Variants in ALOX5AP observed in about 807,000 individuals in gnomAD.
ALOX5AP encodes arachidonate 5-lipoxygenase-activating protein.
ALOX5AP carries 9 observed loss-of-function variants against 18.5 expected under a neutral mutation model. The observed-to-expected ratio is 0.49, with a 90% CI of 0.29 to 0.85. The LOEUF is 0.85. ALOX5AP is among the 40% of genes least tolerant of loss of function. The probability of loss-of-function intolerance (pLI) is 0.08; values close to 1 mark genes in which losing one functional copy is unlikely to be tolerated. For missense variants in ALOX5AP, 172 were observed against 202.5 expected, an observed-to-expected ratio of 0.85 and a Z score of 0.91; for synonymous variants, 81 against 78.6, an observed-to-expected ratio of 1.03 and a Z score of -0.16.
At chr13:30,724,564 G>C (rs1951622589) in intron 1 of ALOX5AP, among the ~76,000 whole-genome samples, 1 of 152,154 alleles carries the variant, frequency 6.6e-6, no homozygotes. Context: ...TGGAGCCTTT[G>C]GAGTGCCTTT....
At chr13:30,744,415 G>C (rs531357462) in intron 2 of ALOX5AP, 19 of 372,284 alleles carry the variant, frequency 5.1e-5, no homozygotes, top group African/African-American at 3.5e-4. Flanking sequence ...TGCAGCTTCA[G>C]AAAGATCTGA....
At chr13:30,741,103 CTTT>C (rs59980433) in intron 1 of ALOX5AP, among the ~76,000 whole-genome samples, 2 of 64,006 alleles carry the variant, frequency 3.1e-5, no homozygotes, top group African/African-American at 1.3e-4. Flanking sequence ...CCTCCATATC[CTTT>C]TTTTTTTTTT....
chr13:30,755,844 T>G, intron 3 of ALOX5AP, 100 bp from the exon 4 acceptor site: 1 of 1,158,892 alleles, frequency 8.6e-7, no homozygotes, highest in South Asian at 1.3e-5. Flanking sequence ...TGCGTGTGTC[T>G]TCTGCTAGAT....
intron 1 of ALOX5AP, among the ~76,000 whole-genome samples, chr13:30,725,909 G>A (rs895177132): frequency 5.3e-4 from 81 of 152,176 alleles, no homozygotes; most frequent in Admixed American, 2.6e-3. Flanking sequence ...CACCAGCTGG[G>A]TAGCAACACC....
intron 4 of ALOX5AP, 56 bp from the exon 5 acceptor site, chr13:30,763,888 G>A: frequency 1.3e-6 from 2 of 1,524,544 alleles, no homozygotes; most frequent in Non-Finnish European, 1.8e-6. Context: ...TTTTGTGTGT[G>A]TGAAATTGGT....
intron 3 of ALOX5AP, 70 bp from the exon 4 acceptor site, chr13:30,755,874 G>A (rs1951889356): frequency 6.9e-7 from 1 of 1,446,210 alleles, no homozygotes; most frequent in South Asian, 1.1e-5. Flanking sequence ...AATGTTGATT[G>A]CCTAATTGGG....
chr13:30,715,324 C>G (rs1255144865), intron 1 of ALOX5AP, among the ~76,000 whole-genome samples: 2 of 152,208 alleles, frequency 1.3e-5, no homozygotes, highest in Non-Finnish European at 2.9e-5. Context: ...CCGTGCCTGG[C>G]ACATTTACTG....
At chr13:30,738,933 AACAC>A (rs17238666) in intron 1 of ALOX5AP, among the ~76,000 whole-genome samples, 2 of 151,476 alleles carry the variant, frequency 1.3e-5, no homozygotes, top group Non-Finnish European at 2.9e-5. Context: ...GTTCCACCCC[AACAC>A]ACACACACAC....
intron 1 of ALOX5AP, among the ~76,000 whole-genome samples, chr13:30,721,546 G>A (rs1465830292): frequency 2.0e-5 from 3 of 151,764 alleles, no homozygotes; most frequent in Admixed American, 2.0e-4. Context: ...TCTGTCTAAG[G>A]CCATGGCCAC....
At position 30,735,612 on chromosome 13, in the gene ALOX5AP, C is replaced by A; in HGVS notation, c.7C>A (p.Gln3Lys). The change falls in exon 1 of 5, where the codon CAA (glutamine) becomes AAA (lysine). Residue 3 changes from glutamine (Q) to lysine (K), a missense_variant. Gln to Lys is a moderately conservative substitution (Grantham distance 53). Transcript: ENST00000380490. Reference sequence around the variant, plus strand: ...TGGGGAGCCTGAAGCAAACATGGATCAAGAAACTGTAGGCAATGTTGTCCT... The same window carrying A: ...TGGGGAGCCTGAAGCAAACATGGATAAAGAAACTGTAGGCAATGTTGTCCT... MD[Q>K]ETVGNVVLLA... is the part of the protein sequence containing the mutation. 1 of 1,614,108 alleles carries A rather than the reference C, an allele frequency of 6.2e-7. No homozygotes were observed. The highest frequency in any genetic ancestry group is 8.5e-7 in the Non-Finnish European group (1 of 1,180,012).
intron 4 of ALOX5AP, among the ~76,000 whole-genome samples, chr13:30,758,201 G>T (rs1449053874): frequency 2.0e-5 from 3 of 152,160 alleles, no homozygotes; most frequent in Non-Finnish European, 4.4e-5. Flanking sequence ...TGATATAGAT[G>T]CAAGCCAGAG....
intron 4 of ALOX5AP, among the ~76,000 whole-genome samples, chr13:30,757,356 G>A (rs1951904755): frequency 6.6e-6 from 1 of 152,126 alleles, no homozygotes; most frequent in African/African-American, 2.4e-5. Flanking sequence ...AAGAATGACT[G>A]TTCTTTCAGC....
intron 1 of ALOX5AP, among the ~76,000 whole-genome samples, chr13:30,743,545 A>T (rs1047596964): frequency 6.6e-6 from 1 of 151,940 alleles, no homozygotes; most frequent in African/African-American, 2.4e-5. Context: ...TTGGCTGAAC[A>T]TTCTGAACCA....
intron 2 of ALOX5AP, among the ~76,000 whole-genome samples, chr13:30,746,401 G>T (rs1432933594): frequency 6.6e-6 from 1 of 152,238 alleles, no homozygotes; most frequent in East Asian, 1.9e-4. Context: ...AGCAGGCAGG[G>T]TGGAGAGTTT....
chr13:30,752,253 G>A, intron 3 of ALOX5AP, 131 bp downstream of exon 3: 2 of 843,500 alleles, frequency 2.4e-6, no homozygotes, highest in Non-Finnish European at 3.8e-6. Flanking sequence ...GGAGAGGTGA[G>A]AGCCCTCGGG....
chr13:30,757,900 C>T (rs997284575), intron 4 of ALOX5AP, among the ~76,000 whole-genome samples: 1 of 152,148 alleles, frequency 6.6e-6, no homozygotes, highest in Non-Finnish European at 1.5e-5. Flanking sequence ...ATATAAATGG[C>T]CTGCCTTCTT....
intron 1 of ALOX5AP, among the ~76,000 whole-genome samples, chr13:30,719,407 G>A (rs912802700): frequency 7.9e-5 from 12 of 152,146 alleles, no homozygotes; most frequent in East Asian, 1.9e-4. Context: ...TAATCATACC[G>A]CTTCAAAGGG....
At chr13:30,738,754 G>A (rs1334801285) in intron 1 of ALOX5AP, among the ~76,000 whole-genome samples, 1 of 152,216 alleles carries the variant, frequency 6.6e-6, no homozygotes, top group African/African-American at 2.4e-5. Flanking sequence ...CCTCCCGCAG[G>A]AGGCTGTTCC....
At chr13:30,729,250 G>T (rs1288973878) in intron 1 of ALOX5AP, among the ~76,000 whole-genome samples, 1 of 151,926 alleles carries the variant, frequency 6.6e-6, no homozygotes, top group African/African-American at 2.4e-5. Context: ...TTTTCTTTTG[G>T]AAGCTTTATA....
Sources: gnomAD v4.1 joint callset for allele counts (sites outside exome capture counted in the v4.1 genomes callset) on GRCh38, gnomAD v4.1.1 for gene constraint, MANE v1.5 for transcripts, NCBI Gene and HGNC (gene_info 2026-07-23, HGNC 2026-07-21) for gene names.